Variants in AGR3 observed in about 807,000 individuals in gnomAD.
The protein encoded by AGR3 is anterior gradient protein 3.
Under a neutral mutation model 24.5 loss-of-function variants are expected in AGR3, and 37 were observed. That is an observed-to-expected ratio of 1.51 (90% confidence interval 1.16 to 1.99). AGR3 has a LOEUF of 1.99. AGR3 is among the 30% of genes most tolerant of loss of function. The pLI is 0.00. For missense variants in AGR3, 228 were observed against 191.1 expected (o/e 1.19, Z -1.14); for synonymous variants, 75 against 61.6 (o/e 1.22, Z -1.02).
At chr7:16,867,699 T>C (rs1781785603) in intron 3 of AGR3, among the ~76,000 whole-genome samples, 1 of 152,198 alleles carries the variant, frequency 6.6e-6, no homozygotes, top group African/African-American at 2.4e-5. Flanking sequence ...TTTGTTTCTA[T>C]GAGTTTGACT....
chr7:16,870,074 C>G (rs556208893), intron 3 of AGR3, among the ~76,000 whole-genome samples: 1 of 151,870 alleles, frequency 6.6e-6, no homozygotes, highest in Non-Finnish European at 1.5e-5. Flanking sequence ...ATAATATGCA[C>G]TGCCATTGGT....
At chr7:16,860,311 C>A in intron 7 of AGR3, 189 bp downstream of exon 7, 1 of 531,474 alleles carries the variant, frequency 1.9e-6, no homozygotes, top group East Asian at 3.0e-5. Flanking sequence ...CTTAGACATC[C>A]CTGTTAAAAT....
chr7:16,878,454 A>G (rs1782033910), intron 2 of AGR3, 56 bp downstream of exon 2: 5 of 1,490,942 alleles, frequency 3.4e-6, no homozygotes, highest in Admixed American at 1.7e-5. Context: ...GACACCAGAT[A>G]TTTTAAAAAG....
chr7:16,880,106 T>TC (rs1444989638), intron 1 of AGR3, among the ~76,000 whole-genome samples: 32 of 135,908 alleles, frequency 2.4e-4, no homozygotes, highest in Non-Finnish European at 4.2e-4. Flanking sequence ...CTTCCTTCCT[T>TC]CTTTCCTTCC....
intron 6 of AGR3, 33 bp downstream of exon 6, chr7:16,861,351 T>C (rs756774952): frequency 6.7e-7 from 1 of 1,483,926 alleles, no homozygotes; most frequent in Non-Finnish European, 9.1e-7. Context: ...CTACTAATTT[T>C]GTAGATCTGA....
intron 3 of AGR3, chr7:16,864,179 G>C: frequency 1.3e-6 from 1 of 776,232 alleles, no homozygotes; most frequent in South Asian, 2.0e-5. Context: ...TAATTCATCA[G>C]AGAAGTATAT....
intron 3 of AGR3, among the ~76,000 whole-genome samples, chr7:16,867,724 A>G (rs1174404496): frequency 6.6e-6 from 1 of 152,136 alleles, no homozygotes; most frequent in Non-Finnish European, 1.5e-5. Context: ...TAGATTACAC[A>G]TGTGAGATTA....
chr7:16,872,024 C>G (rs1177284508), intron 3 of AGR3, among the ~76,000 whole-genome samples: 1 of 152,090 alleles, frequency 6.6e-6, no homozygotes, highest in African/African-American at 2.4e-5. Context: ...AATGACCATA[C>G]CACCAAAGGC....
chr7:16,856,795 A>G (rs968781469), downstream of AGR3, among the ~76,000 whole-genome samples: 9 of 151,548 alleles, frequency 5.9e-5, no homozygotes, highest in African/African-American at 1.9e-4. Flanking sequence ...AAGTAAAATT[A>G]TACACATACA....
At chr7:16,880,470 C>T (rs894636725) in intron 1 of AGR3, among the ~76,000 whole-genome samples, 31 of 47,678 alleles carry the variant, frequency 6.5e-4, no homozygotes, top group African/African-American at 2.0e-3. Flanking sequence ...CTCCTTTCCT[C>T]TCCCCTCCTT....
rs1258464825 is a variant in AGR3, at chr7:16,860,541, G to A, written c.410C>T (p.Ser137Phe). 1 of 1,613,854 alleles carries A rather than the reference G, an allele frequency of 6.2e-7. No individual in the cohort carries two copies. The highest frequency in any genetic ancestry group is 1.1e-5 in the South Asian group (1 of 91,022). ...TVRADIAGRY[S>F]NRLYTYEPRD... ...AGGCTCATATGTGTACAATCTGTTA[G>A]AGTATCTTCCAGCTATGTCAGCTCT... Residue 137 changes from serine (S) to phenylalanine (F), a missense_variant, in exon 7 of 8, where the codon TCT (serine) becomes TTT (phenylalanine). By Grantham distance (155) the Ser-to-Phe change is radical. Coordinates refer to ENST00000310398, the MANE Select transcript of AGR3 (RefSeq NM_176813.5).
At chr7:16,871,570 TG>T (rs1387148947) in intron 3 of AGR3, among the ~76,000 whole-genome samples, 2 of 151,958 alleles carry the variant, frequency 1.3e-5, no homozygotes, top group African/African-American at 4.8e-5. Context: ...AGGCCAGGCG[TG>T]GTGGCTAACG....
intron 1 of AGR3, among the ~76,000 whole-genome samples, 154 bp downstream of exon 1, chr7:16,881,790 A>G (rs1463565812): frequency 6.6e-6 from 1 of 152,220 alleles, no homozygotes; most frequent in East Asian, 1.9e-4. Context: ...AAACCAGCAA[A>G]GGAAATCCAG....
chr7:16,878,739 C>T (rs77137906), intron 1 of AGR3, 94 bp from the exon 2 acceptor site: 4 of 888,694 alleles, frequency 4.5e-6, no homozygotes, highest in Non-Finnish European at 6.9e-6. Flanking sequence ...ACTGTGATGA[C>T]AGACTGTTCA....
chr7:16,868,126 G>A lies in AGR3; in HGVS notation c.174-5464C>T, dbSNP rs190791398. Among the ~76,000 whole-genome samples the A allele has an allele frequency of 2.2e-4, 33 of 151,810 alleles. No homozygotes were observed. In the East Asian group the frequency reaches 6.0e-3, roughly 28 times the overall value. ...TTTCCCTGATGATTAGTGATGTTAA[G>A]TATTGTTTTCATCTACCTGTTGGCC... On this transcript the variant is annotated intron_variant, in intron 3 of 7. Coordinates refer to ENST00000310398, the MANE Select transcript of AGR3 (RefSeq NM_176813.5).
chr7:16,860,704 A>G (rs1008365557), intron 6 of AGR3, 121 bp from the exon 7 acceptor site: 8 of 654,184 alleles, frequency 1.2e-5, no homozygotes, highest in Admixed American at 1.1e-4. Flanking sequence ...TTACACAGAT[A>G]TATTGTGTGA....
chr7:16,865,431 G>A, intron 3 of AGR3: 1 of 871,626 alleles, frequency 1.1e-6, no homozygotes, highest in East Asian at 2.4e-5. Context: ...CATCGTAATT[G>A]TTGGTGCCAC....
At chr7:16,867,780 T>G (rs987578968) in intron 3 of AGR3, among the ~76,000 whole-genome samples, 1 of 152,212 alleles carries the variant, frequency 6.6e-6, no homozygotes, top group Non-Finnish European at 1.5e-5. Flanking sequence ...CTCACCATAA[T>G]GTTCTCCAGG....
chr7:16,867,641 C>A (rs1045192991), intron 3 of AGR3, among the ~76,000 whole-genome samples: 2 of 152,134 alleles, frequency 1.3e-5, no homozygotes, highest in African/African-American at 2.4e-5. Flanking sequence ...GTCCTTTGAG[C>A]AAGAACTCCC....
Sources: allele counts gnomAD v4.1 joint callset (sites outside exome capture counted in the v4.1 genomes callset), GRCh38; gene constraint gnomAD v4.1.1; transcripts MANE v1.5; gene names NCBI Gene and HGNC (gene_info 2026-07-23, HGNC 2026-07-21).